The following TUBGCP2 variants were observed in gnomAD, a reference collection of about 807,000 sequenced individuals.
TUBGCP2 encodes tubulin gamma complex component 2.
Under a neutral mutation model 92.2 loss-of-function variants are expected in TUBGCP2, and 55 were observed. The ratio of observed to expected loss-of-function variants is 0.60; its 90% CI spans 0.48 to 0.75. The LOEUF is 0.75. TUBGCP2 is among the 30% of genes least tolerant of loss of function. The pLI, the probability that TUBGCP2 is intolerant of heterozygous loss-of-function variation, is 0.00. For synonymous variants in TUBGCP2, 533 were observed against 505.2 expected (o/e 1.06, Z -0.74); for missense variants, 1,093 against 1,188.9 (o/e 0.92, Z 1.19).
intron 1 of TUBGCP2, 110 bp from the exon 2 acceptor site, chr10:133,303,090 C>T: frequency 2.1e-6 from 2 of 967,694 alleles, no homozygotes; most frequent in Non-Finnish European, 3.1e-6. Context: ...CAAGTTATCA[C>T]CTGGCCTGCC....
intron 1 of TUBGCP2, among the ~76,000 whole-genome samples, chr10:133,306,305 G>A (rs1847817093): frequency 6.6e-6 from 1 of 152,184 alleles, no homozygotes; most frequent in African/African-American, 2.4e-5. Flanking sequence ...ATCCAAGGGT[G>A]GCCTGTTTCA....
intron 5 of TUBGCP2, among the ~76,000 whole-genome samples, chr10:133,294,039 T>C (rs1458491076): frequency 6.6e-6 from 1 of 152,188 alleles, no homozygotes; most frequent in African/African-American, 2.4e-5. Context: ...ATGGCTGACA[T>C]TTGAAAAGGT....
In TUBGCP2 at chr10:133,293,636, G is replaced by A; in HGVS notation, c.750C>T (p.Pro250=). Reference sequence around the variant, plus strand: ...GCTCCCTGATGGACAGGTCCAGGTTGGGGTCCACGAGGAAGGTCCGGCTCT... The same window carrying A: ...GCTCCCTGATGGACAGGTCCAGGTTAGGGTCCACGAGGAAGGTCCGGCTCT... ...GRQSRTFLVD[P]NLDLSIRELV... Residue 250 remains proline, a synonymous_variant, in exon 6 of 18, where the codon CCC becomes CCT. Transcript: ENST00000252936. 1.3e-6 allele frequency: 2 copies of A among 1,577,510 alleles called. No homozygotes were observed. The highest frequency in any genetic ancestry group is 2.3e-5 in the East Asian group (1 of 43,036).
upstream of TUBGCP2, chr10:133,311,642 G>T (rs919327837): frequency 2.7e-5 from 35 of 1,287,224 alleles, no homozygotes; most frequent in Non-Finnish European, 3.4e-5. Flanking sequence ...TTTCTTTCTT[G>T]CATGTTCATT....
chr10:133,299,448 G>T lies in TUBGCP2; in HGVS notation c.435C>A (p.Ala145=). The stretch of plus-strand genomic sequence containing the variant: ...GTACCTGCTGCAGCGTGGAGCCTGT[G>T]GCCACGCTGCCAAGCTGCTTCCTCA... The part of the protein sequence containing the change: ...EELRKQLGSV[A]TGSTLQQSLE... Residue 145 remains alanine, a synonymous_variant, in exon 4 of 18, where the codon GCC becomes GCA. Coordinates refer to ENST00000252936, the MANE Select transcript of TUBGCP2 (RefSeq NM_006659.4). The T allele has an allele frequency of 6.2e-7, 1 of 1,607,336 alleles. No homozygotes were observed.
chr10:133,287,871 C>T (rs991985097), intron 11 of TUBGCP2, among the ~76,000 whole-genome samples: 17 of 152,352 alleles, frequency 1.1e-4, no homozygotes, highest in Non-Finnish European at 2.1e-4. Context: ...AAAACAATTC[C>T]ACAAGGCCAG....
rs1564939457 is a variant in TUBGCP2 at position 133,291,835 on chromosome 10, CAT to C, written c.1214+662_1214+663del. ...GTCCCCCATGTCCCTCCGTGTCCCCCATGTCCCTCCGTGTCCCTGTGTCCCGG... is the reference window on the plus strand; with the variant it reads ...GTCCCCCATGTCCCTCCGTGTCCCCCGTCCCTCCGTGTCCCTGTGTCCCGG... On this transcript the variant is annotated intron_variant, in intron 8 of 17. Coordinates refer to ENST00000252936, the MANE Select transcript of TUBGCP2 (RefSeq NM_006659.4). Among the ~76,000 whole-genome samples the C allele has an allele frequency of 5.0e-4, 5 of 10,052 alleles. 2 individuals are homozygous for C. Among genetic ancestry groups the C allele is most frequent in the African/African-American group, 1.1e-3 (3 of 2,726 alleles). 6.6% of individuals were successfully genotyped at this position (10,052 alleles called of 152,430 possible). A position where few individuals can be genotyped will look rare whatever the true frequency, so the allele number is the denominator to read the frequency against.
At chr10:133,303,949 G>C (rs180817819) in intron 1 of TUBGCP2, among the ~76,000 whole-genome samples, 296 of 152,358 alleles carry the variant, frequency 1.9e-3, no homozygotes, top group African/African-American at 6.3e-3. Context: ...CCACCCCTGG[G>C]TCAGGGGGCA....
At chr10:133,310,804 A>G (rs535472990), upstream of TUBGCP2, among the ~76,000 whole-genome samples, 4 of 151,378 alleles carry the variant, frequency 2.6e-5, no homozygotes, top group Admixed American at 1.3e-4. Flanking sequence ...TCCAGGAACA[A>G]TCTTTTTTTT....
chr10:133,285,733 T>C lies in TUBGCP2; in HGVS notation c.1723-105A>G. The stretch of plus-strand genomic sequence containing the variant: ...CACAGACCCAGCGCTGACGTAAGGT[T>C]CCCTACATTCCGATTCTAAATATCA... On this transcript the variant is annotated intron_variant, in intron 11 of 17. Coordinates refer to ENST00000252936, the MANE Select transcript of TUBGCP2 (RefSeq NM_006659.4). This position sits in a 1 kb window ranked among gnomAD's most constrained non-coding sequence, Gnocchi z 6.8. 1 of 1,093,360 alleles carries C rather than the reference T, an allele frequency of 9.1e-7. No individual in the cohort carries two copies. 67.7% of individuals were successfully genotyped at this position (1,093,360 alleles called of 1,614,324 possible). A position where few individuals can be genotyped will look rare whatever the true frequency, so the allele number is the denominator to read the frequency against.
At chr10:133,284,410 T>A (rs1302575393) in intron 13 of TUBGCP2, among the ~76,000 whole-genome samples, 1 of 152,266 alleles carries the variant, frequency 6.6e-6, no homozygotes, top group Non-Finnish European at 1.5e-5. Flanking sequence ...TCGCTCAGAC[T>A]GCAGTGCAGT....
At chr10:133,287,761 A>G (rs28716355) in intron 11 of TUBGCP2, among the ~76,000 whole-genome samples, 7,840 of 151,792 alleles carry the variant, frequency 0.052, 292 homozygotes, top group Non-Finnish European at 0.075. Context: ...AACAAAAAAC[A>G]ACGACAACAA....
At chr10:133,306,043 G>A (rs1037074943) in intron 1 of TUBGCP2, among the ~76,000 whole-genome samples, 9 of 152,250 alleles carry the variant, frequency 5.9e-5, no homozygotes, top group South Asian at 2.1e-4. Flanking sequence ...GGGCCCATAC[G>A]TGGTAAGTTC....
At chr10:133,307,972 A>G (rs1847867066) in intron 1 of TUBGCP2, among the ~76,000 whole-genome samples, 1 of 152,202 alleles carries the variant, frequency 6.6e-6, no homozygotes, top group Admixed American at 6.5e-5. Flanking sequence ...AGGGGCAGGC[A>G]TGGTGGCTCA....
Position 133,285,139 on chromosome 10 carries a change from C to CT in TUBGCP2, c.1969dup (p.Ser657LysfsTer44). On this transcript the variant is annotated frameshift_variant, in exon 13 of 18. Transcript: ENST00000252936. LOFTEE classifies it high-confidence loss of function. This position sits in a 1 kb window ranked among gnomAD's most constrained non-coding sequence, Gnocchi z 6.8. ...GGCGGTTTTGTTGCTGATCCAGACGCTGCAGAGCTGCCGCTCCACGTGCTT... is the reference window on the plus strand; with the variant it reads ...GGCGGTTTTGTTGCTGATCCAGACGCTTGCAGAGCTGCCGCTCCACGTGCTT... The CT allele has an allele frequency of 1.2e-6, 2 of 1,613,308 alleles. No individual in the cohort carries two copies. Among genetic ancestry groups the CT allele is most frequent in the Non-Finnish European group, 1.7e-6 (2 of 1,179,772 alleles).
At chr10:133,302,514 A>G (rs116350005) in intron 2 of TUBGCP2, 1 of 350,768 alleles carries the variant, frequency 2.9e-6, no homozygotes, top group Non-Finnish European at 5.0e-6. Flanking sequence ...GGTGCTCATC[A>G]TGCACCCTGA....
chr10:133,299,326 C>T (rs1847572468), intron 4 of TUBGCP2, 101 bp downstream of exon 4: 1 of 1,027,448 alleles, frequency 9.7e-7, no homozygotes, highest in Non-Finnish European at 1.3e-6. Context: ...CATGTCCTTC[C>T]AGCAGGGGCC....
At chr10:133,304,730 G>A (rs1847766621) in intron 1 of TUBGCP2, among the ~76,000 whole-genome samples, 1 of 152,190 alleles carries the variant, frequency 6.6e-6, no homozygotes, top group Non-Finnish European at 1.5e-5. Context: ...TTAATCATCA[G>A]TTTGTAGCAA....
At chr10:133,284,926 C>A (rs1847091596) in intron 13 of TUBGCP2, among the ~76,000 whole-genome samples, 159 bp downstream of exon 13, 1 of 152,242 alleles carries the variant, frequency 6.6e-6, no homozygotes, top group African/African-American at 2.4e-5. Context: ...AGCAATGAAG[C>A]ATTATGGATC....
Sources: gnomAD v4.1 joint callset for allele counts (sites outside exome capture counted in the v4.1 genomes callset) on GRCh38, gnomAD v4.1.1 for gene constraint, Gnocchi (gnomAD v3.1) non-coding constraint, MANE v1.5 for transcripts, NCBI Gene and HGNC (gene_info 2026-07-23, HGNC 2026-07-21) for gene names.